Variants in FHIT observed in about 807,000 individuals in gnomAD.
FHIT encodes the protein bis(5'-adenosyl)-triphosphatase.
In FHIT, 19 loss-of-function variants were observed where a neutral mutation model predicts 17.9. The ratio of observed to expected loss-of-function variants is 1.06; its 90% CI spans 0.74 to 1.56. The LOEUF is 1.56. Among genes scored for constraint, FHIT ranks in the 40% most tolerant of loss-of-function variants. The pLI is 0.00. For synonymous variants in FHIT, 81 were observed against 69.7 expected (o/e 1.16, Z -0.81); for missense variants, 248 against 189.2 (o/e 1.31, Z -1.82).
chr3:59,784,540 C>A (rs1251503058), intron 8 of FHIT, among the ~76,000 whole-genome samples: 4 of 152,214 alleles, frequency 2.6e-5, no homozygotes, highest in Admixed American at 6.5e-5. Flanking sequence ...CCTGGTTCCT[C>A]CCAGAGTGTG....
chr3:60,922,347 T>C (rs1553768623), intron 3 of FHIT, among the ~76,000 whole-genome samples: 1 of 152,158 alleles, frequency 6.6e-6, no homozygotes, highest in African/African-American at 2.4e-5. Flanking sequence ...CTCTGGCTTT[T>C]ACCATGAAAA....
intron 2 of FHIT, among the ~76,000 whole-genome samples, chr3:61,066,276 A>C (rs533248923): frequency 6.6e-6 from 1 of 152,296 alleles, no homozygotes; most frequent in African/African-American, 2.4e-5. Context: ...TCCAAAACAT[A>C]AACTCTGGGG....
intron 8 of FHIT, among the ~76,000 whole-genome samples, chr3:59,792,699 G>C (rs1699614704): frequency 6.6e-6 from 1 of 152,170 alleles, no homozygotes; most frequent in Non-Finnish European, 1.5e-5. Flanking sequence ...TCATTGTGGT[G>C]ACAACAATCA....
At chr3:60,009,821 CA>C (rs1485839744) in intron 7 of FHIT, among the ~76,000 whole-genome samples, 1 of 152,170 alleles carries the variant, frequency 6.6e-6, no homozygotes, top group Non-Finnish European at 1.5e-5. Flanking sequence ...CCCTGGCAAC[CA>C]CTAATCTACT....
At chr3:60,155,662 G>T (rs972792714) in intron 5 of FHIT, among the ~76,000 whole-genome samples, 4 of 152,318 alleles carry the variant, frequency 2.6e-5, no homozygotes, top group Admixed American at 6.5e-5. Context: ...CCAGGAATGG[G>T]CTCCTGAATC....
rs1479731734 is a variant in FHIT at position 60,160,825 on chromosome 3, T to TGA, written c.104-146675_104-146674dup. Among the ~76,000 whole-genome samples the TGA allele has an allele frequency of 6.5e-3, 807 of 124,938 alleles. 2 individuals carry two copies. Among genetic ancestry groups the TGA allele is most frequent in the African/African-American group, 0.021 (757 of 35,756 alleles). The allele number at this position is 124,938 out of a possible 152,430, so 82.0% of individuals were successfully genotyped here. ...GAGAATGAGAGCATGTGTGTGAGTG[T>TGA]GACAGAGAGAGAGAGAGAGAGAGAG... On this transcript the variant is annotated intron_variant, in intron 5 of 9. Coordinates refer to ENST00000492590, the MANE Select transcript of FHIT (RefSeq NM_002012.4).
chr3:61,231,031 G>T (rs890780573), intron 1 of FHIT, among the ~76,000 whole-genome samples: 1 of 152,080 alleles, frequency 6.6e-6, no homozygotes, highest in East Asian at 1.9e-4. Flanking sequence ...GTTCACAACA[G>T]TAAAATGGAA....
At chr3:60,204,253 T>G (rs1417125546) in intron 5 of FHIT, among the ~76,000 whole-genome samples, 2 of 151,912 alleles carry the variant, frequency 1.3e-5, no homozygotes, top group Non-Finnish European at 2.9e-5. Flanking sequence ...GGCAAATATA[T>G]GGAGAGGTAT....
chr3:60,922,118 A>G (rs1175128467), intron 3 of FHIT, among the ~76,000 whole-genome samples: 6 of 152,204 alleles, frequency 3.9e-5, no homozygotes, highest in Non-Finnish European at 8.8e-5. Flanking sequence ...ATAGAAATAA[A>G]TAAATAAGCT....
chr3:60,335,104 T>C (rs1366088272), intron 5 of FHIT, among the ~76,000 whole-genome samples: 1 of 152,174 alleles, frequency 6.6e-6, no homozygotes, highest in African/African-American at 2.4e-5. Context: ...GGTTGTTTTA[T>C]AACACTATAA....
intron 3 of FHIT, among the ~76,000 whole-genome samples, chr3:60,900,816 C>T (rs782246318): frequency 2.6e-5 from 4 of 152,034 alleles, no homozygotes; most frequent in Non-Finnish European, 5.9e-5. Context: ...CTCTCTCTGT[C>T]GCCCAGGCTG....
chr3:60,967,249 C>T (rs190436974), intron 3 of FHIT, among the ~76,000 whole-genome samples: 13 of 152,246 alleles, frequency 8.5e-5, no homozygotes, highest in African/African-American at 2.4e-4. Context: ...TATGTATGAA[C>T]GTTGCTCTGG....
intron 8 of FHIT, among the ~76,000 whole-genome samples, chr3:59,867,380 G>A (rs961046816): frequency 6.6e-6 from 1 of 151,630 alleles, no homozygotes; most frequent in South Asian, 2.1e-4. Context: ...CAGCATTACA[G>A]TGAAAGTAAT....
At chr3:60,175,448 T>C (rs1333954272) in intron 5 of FHIT, among the ~76,000 whole-genome samples, 1 of 152,160 alleles carries the variant, frequency 6.6e-6, no homozygotes, top group Non-Finnish European at 1.5e-5. Flanking sequence ...TGCTAACTCT[T>C]CCTAGTTATA....
Position 60,611,491 on chromosome 3 carries a change from T to C in FHIT, c.-17-74512A>G, listed in dbSNP as rs180814481. Among the ~76,000 whole-genome samples, 408 of 152,296 alleles carry C rather than the reference T, an allele frequency of 2.7e-3. 1 individual carries two copies. The highest frequency in any genetic ancestry group is 4.0e-3 in the Non-Finnish European group (273 of 68,008). The stretch of plus-strand genomic sequence containing the variant: ...CAAAAATTCAAAAAACTGAAACCTC[T>C]GGCATAAACGGGTTAAGGAAGGGAA... On this transcript the variant is annotated intron_variant, in intron 4 of 9. Transcript: ENST00000492590.
chr3:59,762,393 T>A (rs1042361422), intron 8 of FHIT, among the ~76,000 whole-genome samples: 2 of 152,124 alleles, frequency 1.3e-5, no homozygotes, highest in Non-Finnish European at 2.9e-5. Context: ...CCTCCCAATA[T>A]ACTGGCTATG....
intron 4 of FHIT, among the ~76,000 whole-genome samples, chr3:60,744,455 C>CACA (rs2042316824): frequency 1.3e-5 from 2 of 151,752 alleles, no homozygotes; most frequent in African/African-American, 4.8e-5. Flanking sequence ...GCTAAGTGTC[C>CACA]ACAACTTTGT....
chr3:60,500,127 C>T (rs944659939), intron 5 of FHIT, among the ~76,000 whole-genome samples: 2 of 152,166 alleles, frequency 1.3e-5, no homozygotes, highest in Non-Finnish European at 2.9e-5. Context: ...CAGCAAATGA[C>T]GGCCCTAGAG....
intron 8 of FHIT, among the ~76,000 whole-genome samples, chr3:59,863,054 T>C (rs1173798800): frequency 6.6e-6 from 1 of 152,114 alleles, no homozygotes; most frequent in African/African-American, 2.4e-5. Flanking sequence ...GGGGACAATG[T>C]GTAGAGGAAT....
Sources: gnomAD v4.1 joint callset for allele counts (sites outside exome capture counted in the v4.1 genomes callset) on GRCh38, gnomAD v4.1.1 for gene constraint, MANE v1.5 for transcripts, NCBI Gene and HGNC (gene_info 2026-07-23, HGNC 2026-07-21) for gene names.